CDK8: variants seen among roughly 807,000 people sequenced by gnomAD.
The protein encoded by CDK8 is cyclin-dependent kinase 8.
CDK8 carries 29 observed loss-of-function variants against 71.5 expected under a neutral mutation model. The observed-to-expected ratio is 0.41, with a 90% CI of 0.30 to 0.55. The LOEUF (loss-of-function observed/expected upper bound fraction) is 0.55. Ranked by LOEUF, CDK8 falls within the 20% of genes least tolerant of loss-of-function variation. CDK8 has a pLI of 0.37. For synonymous variants in CDK8, 161 were observed against 192.1 expected (o/e 0.84, Z 1.34); for missense variants, 288 against 572.6 (o/e 0.50, Z 5.07).
chr13:26,349,214 C>A, intron 3 of CDK8, 32 bp downstream of exon 3: 1 of 1,171,142 alleles, frequency 8.5e-7, no homozygotes, highest in Non-Finnish European at 1.3e-6. Context: ...CATGAGCAAA[C>A]AGTCAGGGAT....
chr13:26,258,598 T>C (rs1016365850), intron 1 of CDK8, among the ~76,000 whole-genome samples: 5 of 151,992 alleles, frequency 3.3e-5, no homozygotes, highest in African/African-American at 9.7e-5. Flanking sequence ...AAACCTGAAT[T>C]TGAATTCAGA....
At chr13:26,337,330 C>T (rs1487864138) in intron 1 of CDK8, among the ~76,000 whole-genome samples, 8 of 152,116 alleles carry the variant, frequency 5.3e-5, no homozygotes, top group African/African-American at 1.7e-4. Context: ...GTGTCTTCCA[C>T]AAGTAACTGT....
intron 1 of CDK8, among the ~76,000 whole-genome samples, chr13:26,301,073 T>C (rs1431381741): frequency 6.6e-6 from 1 of 152,112 alleles, no homozygotes; most frequent in Non-Finnish European, 1.5e-5. Context: ...CTGTATTAGG[T>C]CTTCAACTGT....
At chr13:26,373,197 TATTCTA>T (rs1457328968) in intron 4 of CDK8, among the ~76,000 whole-genome samples, 1 of 152,180 alleles carries the variant, frequency 6.6e-6, no homozygotes, top group African/African-American at 2.4e-5. Flanking sequence ...GTGCCCCCAT[TATTCTA>T]ATTCTCTTTT....
At chr13:26,360,480 T>C (rs1874087099) in intron 4 of CDK8, among the ~76,000 whole-genome samples, 1 of 152,126 alleles carries the variant, frequency 6.6e-6, no homozygotes, top group Non-Finnish European at 1.5e-5. Flanking sequence ...AGCTCGAAAT[T>C]AAACTCTCTC....
intron 1 of CDK8, among the ~76,000 whole-genome samples, chr13:26,318,821 T>TA (rs1447214868): frequency 1.2e-4 from 19 of 152,148 alleles, no homozygotes; most frequent in African/African-American, 3.9e-4. Flanking sequence ...CTCAACATGA[T>TA]ATGAGCTATA....
intron 1 of CDK8, among the ~76,000 whole-genome samples, chr13:26,302,244 G>A (rs1873855567): frequency 6.6e-6 from 1 of 152,176 alleles, no homozygotes; most frequent in Non-Finnish European, 1.5e-5. Flanking sequence ...GACTTCAGTC[G>A]ATTTCCAAAA....
chr13:26,392,401 C>T (rs970205145), intron 6 of CDK8, among the ~76,000 whole-genome samples: 1 of 145,870 alleles, frequency 6.9e-6, no homozygotes, highest in Non-Finnish European at 1.5e-5. Context: ...GATCTCGGCT[C>T]ACTGCAGCCT....
intron 1 of CDK8, among the ~76,000 whole-genome samples, chr13:26,325,550 G>C (rs1874978280): frequency 1.3e-5 from 2 of 152,178 alleles, no homozygotes; most frequent in Non-Finnish European, 2.9e-5. Context: ...ATCTCGGTAA[G>C]AAAAGAGCAA....
In CDK8 at chr13:26,396,238, A is replaced by G. The variant is rs765001203; in HGVS notation, c.791-47A>G. ...GTAATAACCTTTTTAAAAATTCTCA[A>G]GAATAGGAACTTAGGCAACATAAAA... On this transcript the variant is annotated intron_variant, in intron 7 of 12. Transcript: ENST00000381527. 17 of 813,664 alleles carry G rather than the reference A, an allele frequency of 2.1e-5. No individual in the cohort carries two copies. The African/African-American group carries it at 2.7e-4, about 13-fold the overall frequency. The allele number at this position is 813,664 out of a possible 1,614,324, so 50.4% of individuals were successfully genotyped here. A position where few individuals can be genotyped will look rare whatever the true frequency, so the allele number is the denominator to read the frequency against.
chr13:26,344,754 A>AT (rs199592709), intron 2 of CDK8, among the ~76,000 whole-genome samples: 2,008 of 152,192 alleles, frequency 0.013, 48 homozygotes, highest in African/African-American at 0.046. Flanking sequence ...CTCAAAAAAA[A>AT]AAAAAATTCT....
At chr13:26,285,530 A>G (rs2137892391) in intron 1 of CDK8, among the ~76,000 whole-genome samples, 1 of 152,362 alleles carries the variant, frequency 6.6e-6, no homozygotes, top group African/African-American at 2.4e-5. Flanking sequence ...CCCACAGCCA[A>G]CATTATACTG....
chr13:26,318,459 A>G lies in CDK8; in HGVS notation c.129-19108A>G, dbSNP rs561982178. 3.9e-5 allele frequency among the ~76,000 whole-genome samples: 6 copies of G among 152,198 alleles called. No homozygotes were observed. The East Asian group carries it at 7.7e-4, about 20-fold the overall frequency. On this transcript the variant is annotated intron_variant, in intron 1 of 12. Coordinates refer to ENST00000381527, the MANE Select transcript of CDK8 (RefSeq NM_001260.3). ...TGTATGAGGCCAGCATTACCCCGGT[A>G]CCAAAGCCAGACAAACACTATAAGA... is the stretch of plus-strand genomic sequence containing the variant.
chr13:26,370,590 T>A (rs1874619256), intron 4 of CDK8, among the ~76,000 whole-genome samples: 1 of 152,240 alleles, frequency 6.6e-6, no homozygotes, highest in Non-Finnish European at 1.5e-5. Flanking sequence ...CCACTGTTAC[T>A]TAACAGTGTT....
At chr13:26,303,665 A>G (rs1265911224) in intron 1 of CDK8, among the ~76,000 whole-genome samples, 1 of 152,192 alleles carries the variant, frequency 6.6e-6, no homozygotes, top group Non-Finnish European at 1.5e-5. Flanking sequence ...TCTTACATAG[A>G]AAACATTTAT....
chr13:26,397,996 C>T (rs545606451), intron 9 of CDK8, among the ~76,000 whole-genome samples: 61 of 152,242 alleles, frequency 4.0e-4, no homozygotes, highest in African/African-American at 1.4e-3. Context: ...AGAATTCTTT[C>T]ACCTTGAAGA....
intron 3 of CDK8, among the ~76,000 whole-genome samples, chr13:26,352,582 C>T (rs182645334): frequency 5.9e-5 from 9 of 152,176 alleles, no homozygotes; most frequent in Non-Finnish European, 1.3e-4. Flanking sequence ...GGTGACAAAA[C>T]AGCCTAGATT....
intron 1 of CDK8, among the ~76,000 whole-genome samples, chr13:26,307,562 C>A (rs1289140171): frequency 6.6e-6 from 1 of 152,190 alleles, no homozygotes; most frequent in Non-Finnish European, 1.5e-5. Context: ...GAGACCTATG[C>A]TGCACTTCCT....
chr13:26,362,491 G>A (rs963337088), intron 4 of CDK8, among the ~76,000 whole-genome samples: 3 of 152,154 alleles, frequency 2.0e-5, no homozygotes, highest in African/African-American at 7.2e-5. Context: ...AAGTCCCAGA[G>A]TCCAAAGGCC....
Sources: allele counts gnomAD v4.1 joint callset (sites outside exome capture counted in the v4.1 genomes callset), GRCh38; gene constraint gnomAD v4.1.1; transcripts MANE v1.5; gene names NCBI Gene and HGNC (gene_info 2026-07-23, HGNC 2026-07-21).